DCLK2: variants seen among roughly 807,000 people sequenced by gnomAD.
DCLK2 encodes serine/threonine-protein kinase DCLK2.
DCLK2 carries 31 observed loss-of-function variants against 78.4 expected under a neutral mutation model. The ratio of observed to expected loss-of-function variants is 0.40; its 90% CI spans 0.30 to 0.53. The LOEUF is 0.53. Ranked by LOEUF, DCLK2 falls within the 20% of genes least tolerant of loss-of-function variation. The pLI is 0.61. For missense variants in DCLK2, 872 were observed against 973.7 expected (o/e 0.90, Z 1.39); for synonymous variants, 407 against 374.9 (o/e 1.09, Z -0.99).
intron 2 of DCLK2, among the ~76,000 whole-genome samples, chr4:150,186,348 G>C (rs1029880713): frequency 2.0e-5 from 3 of 152,086 alleles, no homozygotes; most frequent in African/African-American, 7.2e-5. Context: ...AGAATATGTT[G>C]TAAAACATAG....
In DCLK2 at chr4:150,131,105, G is replaced by A. The variant is rs1271563672; in HGVS notation, c.756+28293G>A. 5.9e-5 allele frequency among the ~76,000 whole-genome samples: 9 copies of A among 152,090 alleles called. No homozygotes were observed. The East Asian group carries it at 1.2e-3, about 20-fold the overall frequency. Reference sequence around the variant, plus strand: ...TGGTGTGATCATAGCTCACTGCAGCGTCAAACTCCTGGACTCAAGCCATCC... The same window carrying A: ...TGGTGTGATCATAGCTCACTGCAGCATCAAACTCCTGGACTCAAGCCATCC... On this transcript the variant is annotated intron_variant, in intron 2 of 15. Transcript: ENST00000296550.
chr4:150,179,322 C>CCAG (rs1319932811), intron 2 of DCLK2, among the ~76,000 whole-genome samples: 4 of 152,142 alleles, frequency 2.6e-5, no homozygotes, highest in Non-Finnish European at 4.4e-5. Flanking sequence ...GCCACTGCGC[C>CCAG]CAGCCAAGAT....
chr4:150,249,016 G>C (rs986584368), intron 14 of DCLK2, among the ~76,000 whole-genome samples: 1 of 152,064 alleles, frequency 6.6e-6, no homozygotes, highest in African/African-American at 2.4e-5. Context: ...TGTTGACTCC[G>C]GTTGGGAAGC....
At chr4:150,247,478 G>A in intron 12 of DCLK2, 125 bp from the exon 13 acceptor site, 1 of 662,882 alleles carries the variant, frequency 1.5e-6, no homozygotes. Context: ...ATACATAATT[G>A]AGATACGGAA....
At chr4:150,242,646 C>T (rs1292265448) in intron 12 of DCLK2, among the ~76,000 whole-genome samples, 1 of 152,106 alleles carries the variant, frequency 6.6e-6, no homozygotes, top group Non-Finnish European at 1.5e-5. Flanking sequence ...TTTCATCATG[C>T]AGGGGCTGTC....
chr4:150,125,845 C>G (rs938671776), intron 2 of DCLK2, among the ~76,000 whole-genome samples: 2 of 151,650 alleles, frequency 1.3e-5, no homozygotes, highest in East Asian at 1.9e-4. Flanking sequence ...GAGCTGAGAT[C>G]GAGCCACTAC....
At chr4:150,135,473 A>G (rs1014538384) in intron 2 of DCLK2, among the ~76,000 whole-genome samples, 4 of 152,242 alleles carry the variant, frequency 2.6e-5, no homozygotes, top group Non-Finnish European at 5.9e-5. Context: ...CTCTGAGTTC[A>G]GTACAAGACA....
At chr4:150,124,015 G>A (rs1421631122) in intron 2 of DCLK2, among the ~76,000 whole-genome samples, 2 of 142,348 alleles carry the variant, frequency 1.4e-5, no homozygotes, top group African/African-American at 5.5e-5. Flanking sequence ...ACTCCAGCCT[G>A]TCTCAAAAAA....
intron 2 of DCLK2, among the ~76,000 whole-genome samples, chr4:150,107,791 T>C (rs1389843143): frequency 6.6e-6 from 1 of 152,030 alleles, no homozygotes; most frequent in African/African-American, 2.4e-5. Flanking sequence ...TCCCAAATGG[T>C]TTTACTGAGA....
chr4:150,188,378 G>T (rs1368744753), intron 2 of DCLK2, among the ~76,000 whole-genome samples: 1 of 152,134 alleles, frequency 6.6e-6, no homozygotes, highest in Non-Finnish European at 1.5e-5. Context: ...TGAGGTGTGA[G>T]AATCCCTTGA....
intron 8 of DCLK2, among the ~76,000 whole-genome samples, chr4:150,229,693 G>C (rs1388579908): frequency 1.3e-5 from 2 of 152,154 alleles, no homozygotes; most frequent in Non-Finnish European, 2.9e-5. Flanking sequence ...AGATAAGGCA[G>C]TGTCCTTTGC....
At chr4:150,179,743 A>T (rs1737366061) in intron 2 of DCLK2, among the ~76,000 whole-genome samples, 2 of 152,228 alleles carry the variant, frequency 1.3e-5, no homozygotes, top group Non-Finnish European at 1.5e-5. Context: ...CCATTCTGTT[A>T]TGCCATTGAA....
At chr4:150,200,059 C>T (rs558688135) in intron 4 of DCLK2, among the ~76,000 whole-genome samples, 1 of 152,234 alleles carries the variant, frequency 6.6e-6, no homozygotes, top group East Asian at 1.9e-4. Context: ...GTTCAAGAAT[C>T]GGGTGTGATT....
intron 15 of DCLK2, among the ~76,000 whole-genome samples, chr4:150,250,529 C>T (rs1160382882): frequency 1.3e-5 from 2 of 151,928 alleles, no homozygotes; most frequent in African/African-American, 4.8e-5. Flanking sequence ...GAGCAGGGAA[C>T]AGGGGTGGAG....
intron 3 of DCLK2, among the ~76,000 whole-genome samples, chr4:150,195,138 T>TTA (rs1193403899): frequency 2.8e-5 from 3 of 106,744 alleles, no homozygotes; most frequent in Non-Finnish European, 5.3e-5. Context: ...AAATAGGCAT[T>TTA]TATATATATA....
chr4:150,111,725 A>G (rs1365264317), intron 2 of DCLK2, among the ~76,000 whole-genome samples: 1 of 152,146 alleles, frequency 6.6e-6, no homozygotes, highest in Non-Finnish European at 1.5e-5. Context: ...AGCACCACTT[A>G]CTGAAAAGGG....
intron 8 of DCLK2, among the ~76,000 whole-genome samples, chr4:150,230,000 T>C (rs1379089536): frequency 1.3e-5 from 2 of 152,238 alleles, no homozygotes; most frequent in Non-Finnish European, 2.9e-5. Context: ...TGCAGTACTT[T>C]ATTTTGCTTC....
chr4:150,091,833 G>A (rs962206952), intron 1 of DCLK2, among the ~76,000 whole-genome samples: 1 of 151,190 alleles, frequency 6.6e-6, no homozygotes, highest in Non-Finnish European at 1.5e-5. Context: ...CACTTAACAT[G>A]AGATCTGCCC....
chr4:150,199,686 T>C (rs1739321691), intron 4 of DCLK2, among the ~76,000 whole-genome samples: 1 of 152,240 alleles, frequency 6.6e-6, no homozygotes, highest in South Asian at 2.1e-4. Flanking sequence ...AATATCTCTG[T>C]TATTAACCTT....
Sources: allele counts gnomAD v4.1 joint callset (sites outside exome capture counted in the v4.1 genomes callset), GRCh38; gene constraint gnomAD v4.1.1; transcripts MANE v1.5; gene names NCBI Gene and HGNC (gene_info 2026-07-23, HGNC 2026-07-21).